STAU2: variants seen among roughly 807,000 people sequenced by gnomAD.
STAU2 encodes double-stranded RNA-binding protein Staufen homolog 2.
Under a neutral mutation model 65.9 loss-of-function variants are expected in STAU2, and 20 were observed. The observed-to-expected ratio is 0.30, with a 90% confidence interval of 0.21 to 0.44. The LOEUF is 0.44. STAU2 is among the 20% of genes least tolerant of loss of function. STAU2 has a pLI of 1.00. For missense variants in STAU2, 558 were observed against 683.9 expected (o/e 0.82, Z 2.05); for synonymous variants, 232 against 233.9 (o/e 0.99, Z 0.07).
intron 13 of STAU2, among the ~76,000 whole-genome samples, chr8:73,513,543 A>G (rs892045710): frequency 1.3e-5 from 2 of 152,128 alleles, no homozygotes; most frequent in Admixed American, 6.5e-5. Flanking sequence ...ACAGTCATCC[A>G]GGGTGTATAG....
chr8:73,517,573 T>C (rs1822810719), intron 13 of STAU2, among the ~76,000 whole-genome samples: 1 of 152,186 alleles, frequency 6.6e-6, no homozygotes, highest in Non-Finnish European at 1.5e-5. Context: ...TCAAATTATC[T>C]TCAGAGATAA....
chr8:73,489,087 T>G (rs1351046336), intron 13 of STAU2, among the ~76,000 whole-genome samples: 1 of 151,974 alleles, frequency 6.6e-6, no homozygotes, highest in Admixed American at 6.6e-5. Flanking sequence ...AAGGAATTTT[T>G]TTTTCAAATT....
intron 10 of STAU2, among the ~76,000 whole-genome samples, chr8:73,596,389 A>T (rs1284087153): frequency 6.6e-6 from 1 of 152,248 alleles, no homozygotes; most frequent in Non-Finnish European, 1.5e-5. Context: ...AGCAATTTAT[A>T]CATGTACTTA....
intron 5 of STAU2, among the ~76,000 whole-genome samples, chr8:73,680,464 T>C (rs1322922363): frequency 1.3e-5 from 2 of 152,094 alleles, no homozygotes; most frequent in African/African-American, 4.8e-5. Context: ...TAAAAGAATC[T>C]GAACAGCAGA....
chr8:73,464,673 C>T (rs184223372), intron 13 of STAU2, among the ~76,000 whole-genome samples: 74 of 152,078 alleles, frequency 4.9e-4, no homozygotes, highest in Non-Finnish European at 8.4e-4. Flanking sequence ...CCAAGGGTTT[C>T]AGGAAATGCA....
chr8:73,434,174 T>C (rs900115228), intron 13 of STAU2, among the ~76,000 whole-genome samples: 4 of 151,504 alleles, frequency 2.6e-5, no homozygotes, highest in African/African-American at 9.8e-5. Flanking sequence ...GCAATGTTGC[T>C]GGTTTTGAAG....
chr8:73,571,170 G>A (rs1031595368), intron 12 of STAU2, among the ~76,000 whole-genome samples: 2 of 152,150 alleles, frequency 1.3e-5, no homozygotes, highest in African/African-American at 4.8e-5. Flanking sequence ...TAATGGTAAA[G>A]GGATCAATTC....
At chr8:73,509,099 A>G (rs1325392978) in intron 13 of STAU2, among the ~76,000 whole-genome samples, 1 of 152,226 alleles carries the variant, frequency 6.6e-6, no homozygotes, top group African/African-American at 2.4e-5. Context: ...AATGCTGTAC[A>G]TTCCTACCAG....
intron 13 of STAU2, among the ~76,000 whole-genome samples, chr8:73,528,192 C>T (rs1805571311): frequency 6.6e-6 from 1 of 152,116 alleles, no homozygotes; most frequent in Non-Finnish European, 1.5e-5. Context: ...TCTTTGACTC[C>T]ATGTGTATGT....
chr8:73,546,123 C>CTTTTTTTTTTTTTTTTTTTTT (rs71561528), intron 13 of STAU2, among the ~76,000 whole-genome samples: 2 of 93,290 alleles, frequency 2.1e-5, no homozygotes, highest in African/African-American at 4.2e-5. Context: ...GTTTGGTTTT[C>CTTTTTTTTTTTTTTTTTTTTT]TTTTTTTTTT....
intron 6 of STAU2, among the ~76,000 whole-genome samples, chr8:73,661,899 T>C (rs1816859002): frequency 6.6e-6 from 1 of 152,200 alleles, no homozygotes; most frequent in African/African-American, 2.4e-5. Context: ...CAAACTTTCA[T>C]GTATAAGTCT....
At chr8:73,519,451 G>T (rs1016463834) in intron 13 of STAU2, among the ~76,000 whole-genome samples, 8 of 152,024 alleles carry the variant, frequency 5.3e-5, no homozygotes, top group African/African-American at 1.4e-4. Flanking sequence ...AATTTAGGAC[G>T]CCACGAAAAA....
Position 73,578,671 on chromosome 8 carries a change from G to C in STAU2, c.1222+4099C>G, listed in dbSNP as rs553592747. On this transcript the variant is annotated intron_variant, in intron 12 of 14. Coordinates refer to ENST00000524300, the MANE Select transcript of STAU2 (RefSeq NM_001164380.2). ...TGTTTGAAAACAACCAGATATTCAGGGACTGGGCTGCCCAGTACAAGTAAC... is the reference window on the plus strand; with the variant it reads ...TGTTTGAAAACAACCAGATATTCAGCGACTGGGCTGCCCAGTACAAGTAAC... Among the ~76,000 whole-genome samples, 128 of 152,156 alleles carry C rather than the reference G, an allele frequency of 8.4e-4. 1 individual carries two copies. The highest frequency in any genetic ancestry group is 2.8e-3 in the African/African-American group (115 of 41,528).
intron 3 of STAU2, among the ~76,000 whole-genome samples, chr8:73,736,038 G>C (rs1806405961): frequency 6.6e-6 from 1 of 152,200 alleles, no homozygotes; most frequent in African/African-American, 2.4e-5. Flanking sequence ...GAGCAGCTGT[G>C]AGGAAACAGG....
At chr8:73,662,292 C>T (rs763794734) in intron 6 of STAU2, among the ~76,000 whole-genome samples, 6 of 152,014 alleles carry the variant, frequency 3.9e-5, no homozygotes, top group Non-Finnish European at 7.4e-5. Flanking sequence ...ATATGTATTA[C>T]GAATGTTTCC....
At chr8:73,588,241 G>A (rs1810514264) in intron 11 of STAU2, among the ~76,000 whole-genome samples, 1 of 152,216 alleles carries the variant, frequency 6.6e-6, no homozygotes, top group African/African-American at 2.4e-5. Flanking sequence ...CCTTCTGGGA[G>A]AGATAGGACT....
intron 6 of STAU2, among the ~76,000 whole-genome samples, chr8:73,647,898 T>C (rs1441888220): frequency 2.6e-5 from 4 of 152,176 alleles, no homozygotes; most frequent in African/African-American, 9.7e-5. Context: ...TGCATCTTGT[T>C]TGCTGCAGTG....
At chr8:73,527,833 AC>A in intron 13 of STAU2, 3 of 1,493,200 alleles carry the variant, frequency 2.0e-6, no homozygotes, top group Non-Finnish European at 2.7e-6. Context: ...AATCCACTGA[AC>A]ACCATTTTCA....
intron 3 of STAU2, among the ~76,000 whole-genome samples, chr8:73,716,342 G>T (rs141229684): frequency 0.03 from 4,612 of 152,120 alleles, 106 homozygotes; most frequent in Non-Finnish European, 0.044. Context: ...CACCCGCCTC[G>T]GCCTCCCAAA....
Sources: gnomAD v4.1 joint callset for allele counts (sites outside exome capture counted in the v4.1 genomes callset) on GRCh38, gnomAD v4.1.1 for gene constraint, MANE v1.5 for transcripts, NCBI Gene and HGNC (gene_info 2026-07-23, HGNC 2026-07-21) for gene names.